CNIH3: variants seen among roughly 807,000 people sequenced by gnomAD.
The protein encoded by CNIH3 is cornichon family AMPA receptor auxiliary protein 3, also known as protein cornichon homolog 3.
CNIH3 carries 14 observed loss-of-function variants against 24.1 expected under a neutral mutation model. The ratio of observed to expected loss-of-function variants is 0.58; its 90% CI spans 0.38 to 0.91. The LOEUF is 0.91. Ranked by LOEUF, CNIH3 falls within the 40% of genes least tolerant of loss-of-function variation. The pLI, the probability that CNIH3 is intolerant of heterozygous loss-of-function variation, is 0.00. For synonymous variants in CNIH3, 68 were observed against 73.8 expected, an observed-to-expected ratio of 0.92 and a Z score of 0.40; for missense variants, 178 against 196.8, an observed-to-expected ratio of 0.90 and a Z score of 0.57.
chr1:224,439,168 C>T (rs894812747), intron 1 of CNIH3, among the ~76,000 whole-genome samples: 4 of 152,180 alleles, frequency 2.6e-5, no homozygotes, highest in African/African-American at 9.7e-5. Context: ...GTCTCTCCAG[C>T]GCTTGCTTAT....
intron 1 of CNIH3, among the ~76,000 whole-genome samples, chr1:224,493,617 A>G (rs1419629768): frequency 6.6e-6 from 1 of 152,242 alleles, no homozygotes; most frequent in Non-Finnish European, 1.5e-5. Flanking sequence ...AAGGTTTATC[A>G]AAGTGACTTG....
chr1:224,444,085 G>T (rs1032122258), intron 1 of CNIH3, among the ~76,000 whole-genome samples: 3 of 152,076 alleles, frequency 2.0e-5, no homozygotes, highest in Non-Finnish European at 4.4e-5. Context: ...TATCATCTAT[G>T]CTTGTGTTAT....
At chr1:224,733,704 C>T (rs1292765122) in intron 4 of CNIH3, among the ~76,000 whole-genome samples, 1 of 152,204 alleles carries the variant, frequency 6.6e-6, no homozygotes, top group African/African-American at 2.4e-5. Flanking sequence ...TATTTGCACT[C>T]CTGGCCTCTG....
At chr1:224,560,801 A>C (rs1379255294) in intron 3 of CNIH3, among the ~76,000 whole-genome samples, 1 of 152,170 alleles carries the variant, frequency 6.6e-6, no homozygotes, top group African/African-American at 2.4e-5. Context: ...AATAAAGTGC[A>C]CAATAAGAGT....
intron 3 of CNIH3, among the ~76,000 whole-genome samples, chr1:224,598,574 G>A (rs577395445): frequency 6.6e-6 from 1 of 152,186 alleles, no homozygotes; most frequent in Non-Finnish European, 1.5e-5. Flanking sequence ...GAAAGGAAGA[G>A]TCAACTGAGG....
intron 3 of CNIH3, among the ~76,000 whole-genome samples, chr1:224,550,059 T>A (rs1309722998): frequency 6.6e-6 from 1 of 152,118 alleles, no homozygotes; most frequent in African/African-American, 2.4e-5. Context: ...TTCTATAATA[T>A]CTACAGTTGT....
At chr1:224,631,576 A>G (rs10799589) in intron 1 of CNIH3, among the ~76,000 whole-genome samples, 107,668 of 151,868 alleles carry the variant, frequency 0.71, 39,832 homozygotes, top group East Asian at 0.99. Flanking sequence ...TTTCTTGTGC[A>G]TACATCTTAG....
intron 1 of CNIH3, among the ~76,000 whole-genome samples, chr1:224,467,821 T>C (rs1255638083): frequency 6.6e-6 from 1 of 152,076 alleles, no homozygotes; most frequent in Non-Finnish European, 1.5e-5. Flanking sequence ...GTTTCATAGT[T>C]TTACATGGTA....
At chr1:224,699,626 A>G (rs1349296113) in intron 3 of CNIH3, among the ~76,000 whole-genome samples, 1 of 152,144 alleles carries the variant, frequency 6.6e-6, no homozygotes, top group Non-Finnish European at 1.5e-5. Context: ...ATACCAGGTT[A>G]GGGTCTATAG....
chr1:224,439,270 C>T (rs1210858297), intron 1 of CNIH3, among the ~76,000 whole-genome samples: 1 of 152,204 alleles, frequency 6.6e-6, no homozygotes, highest in Non-Finnish European at 1.5e-5. Flanking sequence ...TGGATTTAAG[C>T]GCAAAGACAG....
At chr1:224,631,501 C>A (rs1167625749) in intron 1 of CNIH3, among the ~76,000 whole-genome samples, 4 of 152,170 alleles carry the variant, frequency 2.6e-5, no homozygotes, top group African/African-American at 9.7e-5. Context: ...TCTCTCATTT[C>A]TTTTTCCCTC....
chr1:224,722,707 A>AG (rs1376259879), intron 3 of CNIH3, among the ~76,000 whole-genome samples: 1 of 150,866 alleles, frequency 6.6e-6, no homozygotes, highest in Middle Eastern at 3.4e-3. Context: ...CAAAAGCTCC[A>AG]GGGGGGATTC....
chr1:224,491,500 A>T (rs776978283), intron 1 of CNIH3, among the ~76,000 whole-genome samples: 6 of 152,082 alleles, frequency 3.9e-5, no homozygotes, highest in African/African-American at 1.4e-4. Flanking sequence ...GGCAATAAAT[A>T]CTCAAAACTT....
intron 3 of CNIH3, among the ~76,000 whole-genome samples, chr1:224,609,580 A>G (rs188175174): frequency 6.6e-6 from 1 of 152,204 alleles, no homozygotes; most frequent in Non-Finnish European, 1.5e-5. Flanking sequence ...GTAACTTGAT[A>G]TATCATACCA....
chr1:224,522,624 A>T (rs992488374), intron 2 of CNIH3, among the ~76,000 whole-genome samples: 10 of 152,244 alleles, frequency 6.6e-5, no homozygotes, highest in Admixed American at 1.3e-4. Flanking sequence ...TTGACAGGGC[A>T]TTTCACAACA....
chr1:224,556,512 A>G (rs1680146499), intron 3 of CNIH3, among the ~76,000 whole-genome samples: 1 of 151,852 alleles, frequency 6.6e-6, no homozygotes, highest in Admixed American at 6.6e-5. Context: ...GCAATTCCCA[A>G]CCTTTTTGGT....
chr1:224,565,209 T>C (rs1680531855), intron 3 of CNIH3, among the ~76,000 whole-genome samples: 1 of 152,214 alleles, frequency 6.6e-6, no homozygotes, highest in Non-Finnish European at 1.5e-5. Context: ...CTCTGTCTAA[T>C]AGGTTTTTCT....
chr1:224,656,555 G>A (rs1216878190), intron 1 of CNIH3, among the ~76,000 whole-genome samples: 10 of 152,100 alleles, frequency 6.6e-5, no homozygotes, highest in Non-Finnish European at 1.3e-4. Flanking sequence ...CGGCGGGGGG[G>A]CGGTGTTCAC....
chr1:224,675,421 A>G (rs187116425), intron 1 of CNIH3, among the ~76,000 whole-genome samples: 20 of 152,384 alleles, frequency 1.3e-4, no homozygotes, highest in Non-Finnish European at 2.2e-4. Flanking sequence ...AAAAGAGTTC[A>G]TAGGTTGAAT....
Sources: gnomAD v4.1 joint callset for allele counts (sites outside exome capture counted in the v4.1 genomes callset) on GRCh38, gnomAD v4.1.1 for gene constraint, MANE v1.5 for transcripts, NCBI Gene and HGNC (gene_info 2026-07-23, HGNC 2026-07-21) for gene names.